PARG: variants seen among roughly 807,000 people sequenced by gnomAD.
The protein encoded by PARG is mitochondrial poly(ADP-ribose) glycohydrolase.
Under a neutral mutation model 113.0 loss-of-function variants are expected in PARG, and 35 were observed. The observed-to-expected ratio is 0.31, with a 90% CI of 0.24 to 0.41. The LOEUF is 0.41. PARG is among the 10% of genes least tolerant of loss of function. PARG has a pLI of 1.00. For missense variants in PARG, 797 were observed against 1,169.4 expected, an observed-to-expected ratio of 0.68 and a Z score of 4.64; for synonymous variants, 330 against 409.9, an observed-to-expected ratio of 0.81 and a Z score of 2.36.
At chr10:49,848,229 G>A (rs1554833644) in intron 13 of PARG, among the ~76,000 whole-genome samples, 1 of 147,802 alleles carries the variant, frequency 6.8e-6, no homozygotes, top group African/African-American at 2.5e-5. Context: ...TGCACCTGTA[G>A]TCCCAGCTAC....
rs3048417 is a variant in PARG, at chr10:49,858,331, T to TCACACACACA, written c.2206-888_2206-879dup. 4.8e-3 allele frequency among the ~76,000 whole-genome samples: 690 copies of TCACACACACA among 145,110 alleles called. 10 individuals are homozygous for TCACACACACA. The highest frequency in any genetic ancestry group is 0.026 in the East Asian group (131 of 5,054). On this transcript the variant is annotated intron_variant, in intron 12 of 17. Coordinates refer to ENST00000616448, the MANE Select transcript of PARG (RefSeq NM_003631.5). ...TAGTGAGACTATCTGAGGAGTTAGATCACACACACACACACACACACACAC... is the reference window on the plus strand; with the variant it reads ...TAGTGAGACTATCTGAGGAGTTAGATCACACACACACACACACACACACACACACACACAC...
chr10:49,870,090 T>C (rs1846720993), intron 9 of PARG, among the ~76,000 whole-genome samples: 1 of 151,934 alleles, frequency 6.6e-6, no homozygotes, highest in African/African-American at 2.4e-5. Context: ...ATGGACTGAA[T>C]GTTTGTGACC....
At chr10:49,934,944 T>G (rs1207716435) in intron 2 of PARG, 132 bp downstream of exon 2, 24 of 620,970 alleles carry the variant, frequency 3.9e-5, no homozygotes, top group Non-Finnish European at 6.4e-5. Context: ...AAAAATTACT[T>G]ATAAGTTGAT....
chr10:49,901,880 G>A (rs1294493397), intron 7 of PARG, among the ~76,000 whole-genome samples: 1 of 152,188 alleles, frequency 6.6e-6, no homozygotes, highest in African/African-American at 2.4e-5. Context: ...CCTTAGGGAT[G>A]ACCTAGTACA....
chr10:49,878,583 A>C, intron 9 of PARG, among the ~76,000 whole-genome samples: 1 of 139,628 alleles, frequency 7.2e-6, no homozygotes, highest in Non-Finnish European at 1.6e-5. Flanking sequence ...GCACCACTGC[A>C]CTCCAGCCTG....
intron 13 of PARG, among the ~76,000 whole-genome samples, chr10:49,847,296 GATAC>G (rs1845558136): frequency 6.6e-6 from 1 of 152,014 alleles, no homozygotes; most frequent in Admixed American, 6.6e-5. Flanking sequence ...AATATATAGC[GATAC>G]ATTAATTACA....
intron 7 of PARG, among the ~76,000 whole-genome samples, chr10:49,887,274 C>A (rs1398706555): frequency 1.3e-5 from 2 of 152,082 alleles, no homozygotes; most frequent in East Asian, 3.8e-4. Flanking sequence ...ATACCTCTCA[C>A]CCAGTTTCTC....
chr10:49,933,924 A>C lies in PARG; in HGVS notation c.524T>G (p.Val175Gly). The change falls in exon 3 of 18, where the codon GTA (valine) becomes GGA (glycine). Residue 175 changes from valine (V) to glycine (G), a missense_variant. Physicochemically the swap from Val to Gly is moderately radical, Grantham distance 109. Coordinates refer to ENST00000616448, the MANE Select transcript of PARG (RefSeq NM_003631.5). ...ACTAAACTGCTCTGGTACCAGGGTT[A>C]CTGTTTGAGGTTCACTTTCCAAAAG... is the stretch of plus-strand genomic sequence containing the variant. ...EQLLESEPQT[V>G]TLVPEQFSNA... 1.2e-6 allele frequency: 2 copies of C among 1,605,042 alleles called. No homozygotes were observed. The highest frequency in any genetic ancestry group is 1.7e-6 in the Non-Finnish European group (2 of 1,171,824).
chr10:49,834,793 T>C (rs1235705423), intron 15 of PARG, among the ~76,000 whole-genome samples: 3 of 152,074 alleles, frequency 2.0e-5, no homozygotes, highest in Non-Finnish European at 4.4e-5. Flanking sequence ...TGAGCCATGA[T>C]GGTGCCACTG....
chr10:49,828,112 A>C (rs1244905635), intron 16 of PARG, among the ~76,000 whole-genome samples: 1 of 148,420 alleles, frequency 6.7e-6, no homozygotes, highest in Non-Finnish European at 1.5e-5. Context: ...AAAAAAAAAA[A>C]AAAAAAAAAA....
intron 13 of PARG, among the ~76,000 whole-genome samples, chr10:49,845,832 G>A (rs1290181698): frequency 6.6e-6 from 1 of 151,538 alleles, no homozygotes; most frequent in African/African-American, 2.4e-5. Flanking sequence ...AGGAGGCAGA[G>A]GTTGCAGTGA....
Position 49,819,247 on chromosome 10 carries a change from A to T in PARG, c.*93T>A. 9.9e-7 allele frequency: 1 copy of T among 1,014,432 alleles called. No homozygotes were observed. Among genetic ancestry groups the T allele is most frequent in the Non-Finnish European group, 1.4e-6 (1 of 693,986 alleles). 62.8% of individuals were successfully genotyped at this position (1,014,432 alleles called of 1,614,324 possible). On this transcript the variant is annotated 3_prime_UTR_variant, in exon 18 of 18. Coordinates refer to ENST00000616448, the MANE Select transcript of PARG (RefSeq NM_003631.5). ...ACAAATGTGGATTATGTACACATTT[A>T]TATTAACTTAAGTCAATTCATATAT...
At chr10:49,903,530 T>C (rs1439488125) in intron 7 of PARG, among the ~76,000 whole-genome samples, 4 of 152,008 alleles carry the variant, frequency 2.6e-5, no homozygotes, top group Admixed American at 1.3e-4. Context: ...TAAGATGCCC[T>C]GGAAAAATTG....
chr10:49,819,597 A>G, intron 17 of PARG, 103 bp from the exon 18 acceptor site: 1 of 834,644 alleles, frequency 1.2e-6, no homozygotes, highest in South Asian at 1.8e-5. Flanking sequence ...GCATATGCTC[A>G]GACTTGGCTT....
At chr10:49,860,944 G>A (rs1199380766) in intron 12 of PARG, among the ~76,000 whole-genome samples, 3 of 151,750 alleles carry the variant, frequency 2.0e-5, no homozygotes, top group South Asian at 2.1e-4. Context: ...TTTTAAACAC[G>A]GGGCTTTTGT....
At chr10:49,838,431 CAAAAAAAAAAAAAA>C (rs782657099) in intron 15 of PARG, among the ~76,000 whole-genome samples, 7 of 40,294 alleles carry the variant, frequency 1.7e-4, no homozygotes, top group South Asian at 2.5e-3. Flanking sequence ...AACTCCGTCT[CAAAAAAAAAAAAAA>C]AAAAAAAAAA....
intron 4 of PARG, among the ~76,000 whole-genome samples, chr10:49,926,332 A>C (rs574554749): frequency 6.6e-6 from 1 of 151,902 alleles, no homozygotes; most frequent in Non-Finnish European, 1.5e-5. Flanking sequence ...CCAGGCACCT[A>C]TCTAGCCTTG....
In PARG at chr10:49,820,172, G is replaced by T. The variant is rs1844000315; in HGVS notation, c.2769C>A (p.Leu923=). ...SMHIFLTERK[L]TVGDVYKLLL... is the part of the protein sequence containing the mutation. ...AGAGTATCTCCTACTTACCAACAGT[G>T]AGTTTCCTTTCAGTAAGGAAAATGT... The change falls in exon 17 of 18, where the codon CTC becomes CTA. Residue 923 remains leucine (L), a synonymous_variant. Transcript: ENST00000616448. 1.9e-6 allele frequency: 3 copies of T among 1,543,634 alleles called. No individual in the cohort carries two copies. The highest frequency in any genetic ancestry group is 2.6e-6 in the Non-Finnish European group (3 of 1,139,998).
At chr10:49,910,419 A>G (rs1348459472) in intron 7 of PARG, among the ~76,000 whole-genome samples, 2 of 152,322 alleles carry the variant, frequency 1.3e-5, no homozygotes, top group East Asian at 1.9e-4. Context: ...AAATCATTCT[A>G]AAGTCTAGGT....
Sources: allele counts gnomAD v4.1 joint callset (sites outside exome capture counted in the v4.1 genomes callset), GRCh38; gene constraint gnomAD v4.1.1; transcripts MANE v1.5; gene names NCBI Gene and HGNC (gene_info 2026-07-23, HGNC 2026-07-21).